PCDHGA4: variants seen among roughly 807,000 people sequenced by gnomAD.
The protein encoded by PCDHGA4 is protocadherin gamma subfamily A, 4, also known as protocadherin gamma-A4.
In PCDHGA4, 38 loss-of-function variants were observed where a neutral mutation model predicts 54.6. The ratio of observed to expected loss-of-function variants is 0.70; its 90% CI spans 0.54 to 0.91. PCDHGA4 has a LOEUF of 0.91. PCDHGA4 is among the 40% of genes least tolerant of loss of function. The pLI, the probability that PCDHGA4 is intolerant of heterozygous loss-of-function variation, is 0.00. For missense variants in PCDHGA4, 1,298 were observed against 1,220.9 expected (o/e 1.06, Z -0.94); for synonymous variants, 511 against 512.9 (o/e 1.00, Z 0.05).
chr5:141,496,993 C>G (rs981547671), intron 2 of PCDHGA4, among the ~76,000 whole-genome samples: 1 of 151,910 alleles, frequency 6.6e-6, no homozygotes, highest in South Asian at 2.1e-4. Flanking sequence ...TGAGACCAGC[C>G]TGGCAGCCAA....
chr5:141,390,855 A>G (rs941626765), intron 1 of PCDHGA4: 5 of 156,986 alleles, frequency 3.2e-5, no homozygotes, highest in African/African-American at 1.0e-4. Context: ...TATGCAGTGT[A>G]CGCTGTGTGT....
At chr5:141,389,638 T>C in intron 1 of PCDHGA4, 1 of 1,612,986 alleles carries the variant, frequency 6.2e-7, no homozygotes, top group Non-Finnish European at 8.5e-7. Flanking sequence ...CCTGGCTACT[T>C]GGTGACCAAG....
intron 1 of PCDHGA4, chr5:141,471,645 T>G (rs891817778): frequency 1.3e-5 from 2 of 152,178 alleles, no homozygotes; most frequent in Non-Finnish European, 2.9e-5. Context: ...AGTAATATAC[T>G]GGATGTGGGG....
rs746968245 is a variant in PCDHGA4, at chr5:141,489,575, A to AC, written c.2515-5227dup. 2 of 1,613,788 alleles carry AC rather than the reference A, an allele frequency of 1.2e-6. No homozygotes were observed. Among genetic ancestry groups the AC allele is most frequent in the Non-Finnish European group, 1.7e-6 (2 of 1,179,960 alleles). On this transcript the variant is annotated intron_variant, in intron 1 of 3. Coordinates refer to ENST00000571252, the MANE Select transcript of PCDHGA4 (RefSeq NM_018917.4). The surrounding 1 kb of genome is among the most constrained non-coding windows in gnomAD (Gnocchi z 4.5). ...CTGCCAGTGCAGGTGGTGACTGAACACCCCCTGGAGCTAATCCGTGTAGAG... is the reference window on the plus strand; with the variant it reads ...CTGCCAGTGCAGGTGGTGACTGAACACCCCCCTGGAGCTAATCCGTGTAGAG...
In PCDHGA4 at chr5:141,486,269, G is replaced by T; in HGVS notation, c.2515-8538G>T. 6.2e-7 allele frequency: 1 copy of T among 1,613,996 alleles called. No homozygotes were observed. The highest frequency in any genetic ancestry group is 8.5e-7 in the Non-Finnish European group (1 of 1,179,956). On this transcript the variant is annotated intron_variant, in intron 1 of 3. Transcript: ENST00000571252. The surrounding 1 kb of genome is among the most constrained non-coding windows in gnomAD (Gnocchi z 5.0). ...AACCCTCCCCGAGAGTGCAGAACCT[G>T]GCACTGTGGTGGCACTTATCAGTGT...
In PCDHGA4 at chr5:141,372,716, T is replaced by C. The variant is rs1305256970; in HGVS notation, c.2514+15095T>C. The C allele has an allele frequency of 1.9e-6, 3 of 1,613,946 alleles. No homozygotes were observed. The East Asian group carries it at 6.7e-5, about 36-fold the overall frequency. ...AATTTCTCAATATAAAGGCTGAAAATGCTGCACCACAAGATCTTCTATGTG... is the reference window on the plus strand; with the variant it reads ...AATTTCTCAATATAAAGGCTGAAAACGCTGCACCACAAGATCTTCTATGTG... On this transcript the variant is annotated intron_variant, in intron 1 of 3. Coordinates refer to ENST00000571252, the MANE Select transcript of PCDHGA4 (RefSeq NM_018917.4).
chr5:141,374,178 G>C (rs1268452204), intron 1 of PCDHGA4: 2 of 1,613,614 alleles, frequency 1.2e-6, no homozygotes, highest in East Asian at 2.2e-5. Flanking sequence ...GCGCAGATCC[G>C]CTACTCTATT....
intron 1 of PCDHGA4, among the ~76,000 whole-genome samples, chr5:141,464,557 C>A (rs1342964264): frequency 6.6e-6 from 1 of 152,132 alleles, no homozygotes; most frequent in Non-Finnish European, 1.5e-5. Context: ...CCCCATCTTG[C>A]ATTCCTACAA....
At chr5:141,418,520 C>T (rs766042374) in intron 1 of PCDHGA4, 3 of 1,613,936 alleles carry the variant, frequency 1.9e-6, no homozygotes, top group Non-Finnish European at 2.5e-6. Flanking sequence ...TGGGGACCCT[C>T]CCCGAAGCGG....
intron 1 of PCDHGA4, chr5:141,426,732 C>T (rs576525011): frequency 2.7e-4 from 123 of 448,642 alleles, no homozygotes; most frequent in African/African-American, 2.2e-3. Context: ...TCCAGGCATT[C>T]GGTTTGGCCT....
intron 1 of PCDHGA4, chr5:141,441,758 C>T: frequency 2.6e-6 from 1 of 382,050 alleles, no homozygotes. Context: ...TCAACGTGAG[C>T]CTGCGCGTGT....
In PCDHGA4 at chr5:141,431,326, T is replaced by G. The variant is rs1486136293; in HGVS notation, c.2515-63481T>G. 6.2e-7 allele frequency: 1 copy of G among 1,614,046 alleles called. No individual in the cohort carries two copies. Among genetic ancestry groups the G allele is most frequent in the Non-Finnish European group, 8.5e-7 (1 of 1,180,018 alleles). On this transcript the variant is annotated intron_variant, in intron 1 of 3. Transcript: ENST00000571252. This position sits in a 1 kb window ranked among gnomAD's most constrained non-coding sequence, Gnocchi z 4.8. Reference sequence around the variant, plus strand: ...TCGTGCAAAATGGAGCCGACGGTAGTAAGTACCCCGAATTGGTGCTGAAAC... The same window carrying G: ...TCGTGCAAAATGGAGCCGACGGTAGGAAGTACCCCGAATTGGTGCTGAAAC...
rs563642216 is a variant in PCDHGA4, at chr5:141,376,735, G to A, written c.2514+19114G>A. The A allele has an allele frequency of 1.9e-5, 10 of 521,610 alleles. 1 individual carries two copies. The South Asian group carries it at 2.3e-4, about 12-fold the overall frequency. 32.3% of individuals were successfully genotyped at this position (521,610 alleles called of 1,614,324 possible). ...CGCTCTGTCGCCCAGGCCGGACTGC[G>A]GACTGCAGTGGCGCAATCTCGGCTC... On this transcript the variant is annotated intron_variant, in intron 1 of 3. Coordinates refer to ENST00000571252, the MANE Select transcript of PCDHGA4 (RefSeq NM_018917.4).
chr5:141,399,612 G>A (rs1191904235), intron 1 of PCDHGA4: 1 of 1,613,812 alleles, frequency 6.2e-7, no homozygotes, highest in African/African-American at 1.3e-5. Flanking sequence ...TAGAGCCTCT[G>A]GCACTGGCCT....
At position 141,361,783 on chromosome 5, in the gene PCDHGA4, G is replaced by C. The variant is rs375966726; in HGVS notation, c.2514+4162G>C. ...GCTCAGCGCCAACGTGAGCCTGCGC[G>C]TGTTAGTGGGCGACCTCAATGACAA... On this transcript the variant is annotated intron_variant, in intron 1 of 3. Transcript: ENST00000571252. 68 of 1,613,126 alleles carry C rather than the reference G, an allele frequency of 4.2e-5. No homozygotes were observed. In the African/African-American group the frequency reaches 5.5e-4, roughly 13 times the overall value.
At position 141,491,770 on chromosome 5, in the gene PCDHGA4, G is replaced by C. The variant is rs1230581925; in HGVS notation, c.2515-3037G>C. 1 of 1,560,888 alleles carries C rather than the reference G, an allele frequency of 6.4e-7. No individual in the cohort carries two copies. Among genetic ancestry groups the C allele is most frequent in the Non-Finnish European group, 8.7e-7 (1 of 1,154,942 alleles). On this transcript the variant is annotated intron_variant, in intron 1 of 3. Coordinates refer to ENST00000571252, the MANE Select transcript of PCDHGA4 (RefSeq NM_018917.4). This position sits in a 1 kb window ranked among gnomAD's most constrained non-coding sequence, Gnocchi z 6.9. ...TGGAGAAGCCGCCCGTCCTCATAAG[G>C]GATTGAACTTGCATCCACTCCTCTC...
chr5:141,392,167 C>T (rs565694057), intron 1 of PCDHGA4: 40 of 152,290 alleles, frequency 2.6e-4, no homozygotes, highest in African/African-American at 7.9e-4. Context: ...ATTTCTGAGT[C>T]AGTCATCTCC....
At chr5:141,371,373 C>T in intron 1 of PCDHGA4, 1 of 1,613,972 alleles carries the variant, frequency 6.2e-7, no homozygotes, top group Non-Finnish European at 8.5e-7. Context: ...TGGTGGACAT[C>T]ACACTGCATA....
Position 141,355,298 on chromosome 5 carries a change from A to C in PCDHGA4, c.191A>C (p.Tyr64Ser), listed in dbSNP as rs374574090. The C allele has an allele frequency of 1.2e-5, 19 of 1,613,694 alleles. No homozygotes were observed. Among genetic ancestry groups the C allele is most frequent in the African/African-American group, 6.7e-5 (5 of 74,904 alleles). Residue 64 changes from tyrosine to serine, a missense_variant, in exon 1 of 4, where the codon TAC (tyrosine) becomes TCC (serine). Transcript: ENST00000571252. ...GAAATCAGGGCCGAACAGATTCTCT[A>C]CTCGGTGTTTGAGGAGCAGGAAGAA... is the stretch of plus-strand genomic sequence containing the variant. Reference protein sequence around the residue: ...LVEIRAEQILYSVFEEQEEGS... With the variant: ...LVEIRAEQILSSVFEEQEEGS...
Sources: allele counts gnomAD v4.1 joint callset (sites outside exome capture counted in the v4.1 genomes callset), GRCh38; gene constraint gnomAD v4.1.1; non-coding constraint Gnocchi (gnomAD v3.1); transcripts MANE v1.5; gene names NCBI Gene and HGNC (gene_info 2026-07-23, HGNC 2026-07-21).